The following B3GALNT2 variants were observed in gnomAD, a reference collection of about 807,000 sequenced individuals.
B3GALNT2 encodes UDP-GalNAc:beta-1,3-N-acetylgalactosaminyltransferase 2.
Under a neutral mutation model 61.1 loss-of-function variants are expected in B3GALNT2, and 53 were observed. The observed-to-expected ratio is 0.87, with a 90% CI of 0.70 to 1.09. The LOEUF is 1.09. B3GALNT2 is among the 50% of genes least tolerant of loss of function. The pLI is 0.00. For synonymous variants in B3GALNT2, 223 were observed against 237.4 expected, an observed-to-expected ratio of 0.94 and a Z score of 0.56; for missense variants, 544 against 623.0, an observed-to-expected ratio of 0.87 and a Z score of 1.35.
intron 6 of B3GALNT2, among the ~76,000 whole-genome samples, chr1:235,468,599 C>G (rs891852365): frequency 5.9e-5 from 9 of 151,706 alleles, no homozygotes; most frequent in African/African-American, 2.2e-4. Context: ...ACTACAGGCA[C>G]CCGCCACCAC....
Position 235,494,723 on chromosome 1 carries a change from G to A in B3GALNT2, c.218C>T (p.Thr73Ile), listed in dbSNP as rs372008334. 5.0e-6 allele frequency: 8 copies of A among 1,613,076 alleles called. No individual in the cohort carries two copies. In the African/African-American group the frequency reaches 8.0e-5, roughly 16 times the overall value. Residue 73 changes from threonine to isoleucine, a missense_variant, in exon 2 of 12, where the codon ACC becomes ATC. Thr to Ile is a moderately conservative substitution (Grantham distance 89, BLOSUM62 -1). Coordinates refer to ENST00000366600, the MANE Select transcript of B3GALNT2 (RefSeq NM_152490.5). Reference protein sequence around the residue: ...NHELRNVIRSTWMRHLLQHPT... With the variant: ...NHELRNVIRSIWMRHLLQHPT... The stretch of plus-strand genomic sequence containing the variant: ...ATGCTGTAGCAAATGTCTCATCCAG[G>A]TGCTTCTTATCACGTTTCGAAGTTC...
downstream of B3GALNT2, among the ~76,000 whole-genome samples, chr1:235,444,785 T>C (rs1002165747): frequency 6.6e-6 from 1 of 152,268 alleles, no homozygotes; most frequent in Non-Finnish European, 1.5e-5. Context: ...ATCAAATCAA[T>C]TCATGGGAAT....
intron 7 of B3GALNT2, among the ~76,000 whole-genome samples, chr1:235,460,751 T>C (rs968392209): frequency 1.3e-5 from 2 of 151,734 alleles, no homozygotes; most frequent in South Asian, 2.1e-4. Flanking sequence ...TTTTCAAGTT[T>C]TTTGTAGAGA....
intron 3 of B3GALNT2, among the ~76,000 whole-genome samples, chr1:235,488,222 G>A (rs936649308): frequency 1.3e-5 from 2 of 152,108 alleles, no homozygotes; most frequent in African/African-American, 4.8e-5. Context: ...AAATTAACTG[G>A]TAAAATCAGC....
chr1:235,466,245 T>C (rs115106704), intron 6 of B3GALNT2, among the ~76,000 whole-genome samples: 1,813 of 140,106 alleles, frequency 0.013, 39 homozygotes, highest in African/African-American at 0.045. Context: ...TTTTTTTTTT[T>C]CAAATAAGAG....
chr1:235,474,968 TATATATA>T lies in B3GALNT2; in HGVS notation c.652-4015_652-4009del, dbSNP rs1684181148. On this transcript the variant is annotated intron_variant, in intron 5 of 11. Transcript: ENST00000366600. ...TTAGAGACATATATATATATATATA[TATATATA>T]TATATATATATATTTTTTTTTTTTT... Among the ~76,000 whole-genome samples, 63 of 28,842 alleles carry T rather than the reference TATATATA, an allele frequency of 2.2e-3. 4 individuals carry two copies. The highest frequency in any genetic ancestry group is 8.8e-3 in the African/African-American group (49 of 5,576). 18.9% of individuals were successfully genotyped at this position (28,842 alleles called of 152,430 possible). A position where few individuals can be genotyped will look rare whatever the true frequency, so the allele number is the denominator to read the frequency against.
intron 7 of B3GALNT2, among the ~76,000 whole-genome samples, chr1:235,462,731 G>C (rs1010506547): frequency 6.6e-6 from 1 of 152,172 alleles, no homozygotes. Context: ...GATGTTCAAA[G>C]ACTTAATACT....
At chr1:235,451,810 A>C (rs1558405952) in intron 11 of B3GALNT2, 1 of 152,170 alleles carries the variant, frequency 6.6e-6, no homozygotes, top group African/African-American at 2.4e-5. Context: ...CAGAACAGAA[A>C]TCTCTGAAGC....
At chr1:235,494,119 A>T (rs1372529185) in intron 2 of B3GALNT2, among the ~76,000 whole-genome samples, 1 of 152,224 alleles carries the variant, frequency 6.6e-6, no homozygotes, top group African/African-American at 2.4e-5. Flanking sequence ...AAAATACTAC[A>T]AAACTGAAAA....
chr1:235,489,081 AT>A, intron 3 of B3GALNT2, 86 bp downstream of exon 3: 1 of 1,453,476 alleles, frequency 6.9e-7, no homozygotes, highest in Non-Finnish European at 9.1e-7. Flanking sequence ...ATAATAAAAA[AT>A]AAAAACAGAC....
At chr1:235,502,148 G>A (rs895723168) in intron 1 of B3GALNT2, among the ~76,000 whole-genome samples, 1 of 152,146 alleles carries the variant, frequency 6.6e-6, no homozygotes, top group Admixed American at 6.5e-5. Context: ...TAGTAGCTGG[G>A]ATTACAGGCA....
intron 10 of B3GALNT2, 44 bp from the exon 11 acceptor site, chr1:235,453,190 A>G: frequency 6.5e-7 from 1 of 1,548,964 alleles, no homozygotes; most frequent in Non-Finnish European, 8.9e-7. Context: ...TTTTAATGCT[A>G]TTTTATTTGT....
chr1:235,487,648 T>C (rs957257603), intron 3 of B3GALNT2, among the ~76,000 whole-genome samples: 3 of 152,208 alleles, frequency 2.0e-5, no homozygotes, highest in African/African-American at 7.2e-5. Flanking sequence ...TATTTAAGAC[T>C]TGGAAGTATA....
At position 235,450,222 on chromosome 1, in the gene B3GALNT2, C is replaced by A. The variant is rs111541487; in HGVS notation, c.1487G>T (p.Arg496Leu). The A allele has an allele frequency of 6.2e-7, 1 of 1,614,102 alleles. No homozygotes were observed. The change falls in exon 12 of 12, where the codon CGA becomes CTA. Residue 496 changes from arginine to leucine, a missense_variant. Arg to Leu is a moderately radical substitution (Grantham distance 102). Coordinates refer to ENST00000366600, the MANE Select transcript of B3GALNT2 (RefSeq NM_152490.5). The stretch of plus-strand genomic sequence containing the variant: ...AAGTCCCTGTTATCTTGCTTGACAT[C>A]GACAAGGATCACCGCACCGTTCCTT... ...KLKERCGDPCRCQAR is the reference protein window; with the variant it reads ...KLKERCGDPCLCQAR
intron 1 of B3GALNT2, 97 bp downstream of exon 1, chr1:235,504,044 C>A: frequency 8.5e-7 from 1 of 1,172,494 alleles, no homozygotes; most frequent in Non-Finnish European, 1.1e-6. Flanking sequence ...TTTGGCCCTT[C>A]CCCCGCCTCC....
At chr1:235,498,843 C>CAAAAAAAAAAAAAAAAA (rs57291873) in intron 1 of B3GALNT2, among the ~76,000 whole-genome samples, 13 of 64,114 alleles carry the variant, frequency 2.0e-4, no homozygotes, top group South Asian at 2.1e-3. Context: ...GACTCCTTCT[C>CAAAAAAAAAAAAAAAAA]AAAAAAAAAA....
chr1:235,466,296 TGACCTCAGGTGATCCGCCTGCCTCA>T (rs1177705101), intron 6 of B3GALNT2, among the ~76,000 whole-genome samples: 16 of 151,616 alleles, frequency 1.1e-4, no homozygotes, highest in Non-Finnish European at 1.5e-4. Flanking sequence ...CTCGAACTCC[TGACCTCAGGTGATCCGCCTGCCTCA>T]GCCTCCCACA....
chr1:235,475,751 A>G (rs1269611865), intron 5 of B3GALNT2, among the ~76,000 whole-genome samples: 2 of 152,212 alleles, frequency 1.3e-5, no homozygotes, highest in Non-Finnish European at 2.9e-5. Flanking sequence ...AACATTTAGA[A>G]GATAGATATA....
chr1:235,476,143 C>G (rs1441563890), intron 5 of B3GALNT2, among the ~76,000 whole-genome samples: 1 of 152,188 alleles, frequency 6.6e-6, no homozygotes, highest in Non-Finnish European at 1.5e-5. Flanking sequence ...CGCAGTGGCT[C>G]ATGCCTGTAA....
Sources: gnomAD v4.1 joint callset for allele counts (sites outside exome capture counted in the v4.1 genomes callset) on GRCh38, gnomAD v4.1.1 for gene constraint, MANE v1.5 for transcripts, NCBI Gene and HGNC (gene_info 2026-07-23, HGNC 2026-07-21) for gene names.